Variants in KCP observed in about 807,000 individuals in gnomAD.
The protein encoded by KCP is kielin/chordin-like protein.
In KCP, 194 loss-of-function variants were observed where a neutral mutation model predicts 212.7. That is an observed-to-expected ratio of 0.91 (90% CI 0.81 to 1.03). The LOEUF is 1.03. KCP is among the 50% of genes least tolerant of loss of function. The probability of loss-of-function intolerance (pLI) is 0.00; values close to 1 mark genes in which losing one functional copy is unlikely to be tolerated. For synonymous variants in KCP, 833 were observed against 865.3 expected (o/e 0.96, Z 0.65); for missense variants, 2,080 against 2,162.5 (o/e 0.96, Z 0.76).
At chr7:128,888,056 CCACATA>C in intron 22 of KCP, among the ~76,000 whole-genome samples, 1 of 140,758 alleles carries the variant, frequency 7.1e-6, no homozygotes, top group East Asian at 2.2e-4. Context: ...CACACACATC[CCACATA>C]CACAGACACA....
intron 8 of KCP, among the ~76,000 whole-genome samples, chr7:128,896,219 G>A (rs1044144780): frequency 6.6e-5 from 10 of 152,278 alleles, no homozygotes; most frequent in East Asian, 3.9e-4. Context: ...ACTGACTGGC[G>A]GACTGTGGGT....
rs1257756030 is a variant in KCP at position 128,880,001 on chromosome 7, G to C, written c.3844C>G (p.His1282Asp). ...PASCMAFGDPHYRTFDGRLLH... is the reference protein window; with the variant it reads ...PASCMAFGDPDYRTFDGRLLH... ...AGGCGGCCGTCGAAGGTGCGGTAATGGGGGTCTCCGAAGGCCATGCAGGAA... is the reference window on the plus strand; with the variant it reads ...AGGCGGCCGTCGAAGGTGCGGTAATCGGGGTCTCCGAAGGCCATGCAGGAA... The change falls in exon 35 of 40, where the codon CAT becomes GAT. Residue 1282 changes from histidine to aspartate, a missense_variant. His to Asp is a moderately conservative substitution (Grantham distance 81). Transcript: ENST00000610776. 6.5e-7 allele frequency: 1 copy of C among 1,550,240 alleles called. No homozygotes were observed. Among genetic ancestry groups the C allele is most frequent in the Non-Finnish European group, 8.7e-7 (1 of 1,146,942 alleles).
intron 26 of KCP, among the ~76,000 whole-genome samples, chr7:128,886,130 CA>C: frequency 6.6e-6 from 1 of 152,164 alleles, no homozygotes; most frequent in Non-Finnish European, 1.5e-5. Flanking sequence ...CACAGTGGTG[CA>C]AATGCAGCTC....
chr7:128,880,249 C>A, intron 34 of KCP, 137 bp downstream of exon 34: 1 of 1,319,268 alleles, frequency 7.6e-7, no homozygotes. Flanking sequence ...CGTGGTCGCA[C>A]TGGGAACAGC....
chr7:128,891,011 G>C lies in KCP; in HGVS notation c.2058C>G (p.Cys686Trp). Residue 686 changes from cysteine (C) to tryptophan (W), a missense_variant, in exon 20 of 40, where the codon TGC becomes TGG. Coordinates refer to ENST00000610776, the MANE Select transcript of KCP (RefSeq NM_001366122.1). Reference sequence around the variant, plus strand: ...AGCCGTCGAGGCAGAGGCAGCGGCGGCAGGGATCGCCGGGCGGGGAGAAGT... The same window carrying C: ...AGCCGTCGAGGCAGAGGCAGCGGCGCCAGGGATCGCCGGGCGGGGAGAAGT... ...QEYFSPPGDPCRRCLCLDGSV... is the reference protein window; with the variant it reads ...QEYFSPPGDPWRRCLCLDGSV... 1 of 1,346,362 alleles carries C rather than the reference G, an allele frequency of 7.4e-7. No individual in the cohort carries two copies. Among genetic ancestry groups the C allele is most frequent in the Non-Finnish European group, 9.5e-7 (1 of 1,054,622 alleles). The allele number at this position is 1,346,362 out of a possible 1,614,324, so 83.4% of individuals were successfully genotyped here. A position where few individuals can be genotyped will look rare whatever the true frequency, so the allele number is the denominator to read the frequency against.
chr7:128,879,151 T>G, intron 37 of KCP: 1 of 332,126 alleles, frequency 3.0e-6, no homozygotes, highest in South Asian at 6.0e-5. Flanking sequence ...GGGGGCAAAT[T>G]ACTCTTCCAC....
chr7:128,877,117 G>A lies in KCP; in HGVS notation c.4813C>T (p.Gln1605Ter). Residue 1605 changes from glutamine to a stop codon, truncating the protein, a stop_gained, in exon 40 of 40, where the codon CAA becomes TAA. Transcript: ENST00000610776. LOFTEE classifies it low-confidence loss of function (END_TRUNC). ...AHCIPPEACP[Q>*]VLLTGDQPLG... The stretch of plus-strand genomic sequence containing the variant: ...GGCTGGTCTCCAGTGAGCAGGACTT[G>A]GGGGCAGGCCTCGGGTGGGATGCAG... The A allele has an allele frequency of 6.6e-7, 1 of 1,513,422 alleles. No individual in the cohort carries two copies. 93.7% of individuals were successfully genotyped at this position (1,513,422 alleles called of 1,614,324 possible).
At chr7:128,885,800 C>T (rs1788657198) in intron 26 of KCP, among the ~76,000 whole-genome samples, 1 of 152,176 alleles carries the variant, frequency 6.6e-6, no homozygotes, top group Non-Finnish European at 1.5e-5. Flanking sequence ...AAGAAAGGCT[C>T]AAGTTCAGAG....
chr7:128,880,007 C>G lies in KCP; in HGVS notation c.3838G>C (p.Asp1280His). ...PRPASCMAFG[D>H]PHYRTFDGRL... is the part of the protein sequence containing the mutation. The stretch of plus-strand genomic sequence containing the variant: ...CCGTCGAAGGTGCGGTAATGGGGGT[C>G]TCCGAAGGCCATGCAGGAAGCGGGC... Residue 1280 changes from aspartate (D) to histidine (H), a missense_variant, in exon 35 of 40, where the codon GAC (aspartate) becomes CAC (histidine). Coordinates refer to ENST00000610776, the MANE Select transcript of KCP (RefSeq NM_001366122.1). The G allele has an allele frequency of 6.5e-7, 1 of 1,550,260 alleles. No individual in the cohort carries two copies. Among genetic ancestry groups the G allele is most frequent in the Non-Finnish European group, 8.7e-7 (1 of 1,146,932 alleles).
chr7:128,907,186 ACAG>A lies in KCP; in HGVS notation c.410-12_410-10del, dbSNP rs1795165847. 1 of 1,550,008 alleles carries A rather than the reference ACAG, an allele frequency of 6.5e-7. No individual in the cohort carries two copies. The highest frequency in any genetic ancestry group is 2.0e-5 in the Admixed American group (1 of 50,892). On this transcript the variant is annotated splice_polypyrimidine_tract_variant and intron_variant, in intron 3 of 39. Coordinates refer to ENST00000610776, the MANE Select transcript of KCP (RefSeq NM_001366122.1). ...GCCATTTTGGCTGCAGCCTAAGGAG[ACAG>A]CAGTGTCACTCAAGCACCCCATGCC...
intron 1 of KCP, among the ~76,000 whole-genome samples, chr7:128,909,852 C>T (rs1795337435): frequency 6.6e-6 from 1 of 152,190 alleles, no homozygotes; most frequent in Non-Finnish European, 1.5e-5. Context: ...TTCCCATCTC[C>T]GTCCCTCTAC....
rs1264585223 is a variant in KCP at position 128,905,421 on chromosome 7, C to G, written c.571+858G>C. ...AGCCATGACCTCCTCTTCCTCCCAG[C>G]TCTCTTCATGTCCCCAGCACCACTG... On this transcript the variant is annotated intron_variant, in intron 5 of 39. Transcript: ENST00000610776. Among the ~76,000 whole-genome samples, 5 of 152,160 alleles carry G rather than the reference C, an allele frequency of 3.3e-5. No individual in the cohort carries two copies. The East Asian group carries it at 5.8e-4, about 18-fold the overall frequency.
chr7:128,905,644 C>A (rs1271067527), intron 5 of KCP, among the ~76,000 whole-genome samples: 1 of 152,240 alleles, frequency 6.6e-6, no homozygotes, highest in Non-Finnish European at 1.5e-5. Context: ...TCAAGCGCCC[C>A]CTTGACCATG....
intron 26 of KCP, 149 bp from the exon 27 acceptor site, chr7:128,885,419 G>A (rs914080338): frequency 1.3e-6 from 1 of 779,168 alleles, no homozygotes; most frequent in African/African-American, 1.7e-5. Flanking sequence ...CAGAACTCCT[G>A]TCTGTTGTGG....
Position 128,883,992 on chromosome 7 carries a change from C to T in KCP, c.3244+10G>A, listed in dbSNP as rs564405215. 4 of 1,548,050 alleles carry T rather than the reference C, an allele frequency of 2.6e-6. No individual in the cohort carries two copies. The South Asian group carries it at 4.8e-5, about 18-fold the overall frequency. ...TCATATCTCATCTACCCCCACATCC[C>T]TGGACTCACCGGCACAGGTGGGACA... On this transcript the variant is annotated intron_variant, in intron 29 of 39. Transcript: ENST00000610776.
intron 29 of KCP, among the ~76,000 whole-genome samples, chr7:128,883,403 G>A (rs1424842691): frequency 1.3e-5 from 2 of 152,064 alleles, no homozygotes; most frequent in African/African-American, 2.4e-5. Context: ...CTCCCAAAGT[G>A]CTGGGATTAC....
chr7:128,897,671 G>A (rs1794609424), intron 8 of KCP, among the ~76,000 whole-genome samples: 1 of 151,856 alleles, frequency 6.6e-6, no homozygotes, highest in Non-Finnish European at 1.5e-5. Flanking sequence ...ATGCAGGTCA[G>A]ATATTAGGTT....
intron 8 of KCP, among the ~76,000 whole-genome samples, chr7:128,900,927 G>T (rs1196411144): frequency 1.3e-5 from 2 of 152,210 alleles, no homozygotes; most frequent in Non-Finnish European, 2.9e-5. Flanking sequence ...TTAAATAGGA[G>T]CTGGATAAAA....
intron 8 of KCP, among the ~76,000 whole-genome samples, chr7:128,895,065 C>T (rs893582292): frequency 2.6e-5 from 4 of 152,188 alleles, no homozygotes; most frequent in Admixed American, 6.5e-5. Flanking sequence ...CAGATTCCTC[C>T]TCACAGTCCC....
Sources: gnomAD v4.1 joint callset for allele counts (sites outside exome capture counted in the v4.1 genomes callset) on GRCh38, gnomAD v4.1.1 for gene constraint, MANE v1.5 for transcripts, NCBI Gene and HGNC (gene_info 2026-07-23, HGNC 2026-07-21) for gene names.